FRMD4B: variants seen among roughly 807,000 people sequenced by gnomAD.
FRMD4B encodes the protein FERM domain-containing protein 4B.
FRMD4B carries 74 observed loss-of-function variants against 141.5 expected under a neutral mutation model. The observed-to-expected ratio is 0.52, with a 90% confidence interval of 0.43 to 0.63. FRMD4B has a LOEUF of 0.63. Ranked by LOEUF, FRMD4B falls within the 30% of genes least tolerant of loss-of-function variation. FRMD4B has a pLI of 0.00. For synonymous variants in FRMD4B, 506 were observed against 467.9 expected (o/e 1.08, Z -1.05); for missense variants, 1,366 against 1,253.4 (o/e 1.09, Z -1.36).
At chr3:69,420,965 G>C (rs1159168434) in intron 2 of FRMD4B, among the ~76,000 whole-genome samples, 3 of 152,194 alleles carry the variant, frequency 2.0e-5, no homozygotes, top group African/African-American at 4.8e-5. Flanking sequence ...AGTCAGGGAC[G>C]GAGAGGGCCA....
At chr3:69,501,786 T>C (rs1277727585) in intron 1 of FRMD4B, among the ~76,000 whole-genome samples, 2 of 152,200 alleles carry the variant, frequency 1.3e-5, no homozygotes, top group Non-Finnish European at 2.9e-5. Flanking sequence ...AAAACCCCAC[T>C]GTCTCAGCCC....
chr3:69,344,427 T>C (rs527543785), intron 1 of FRMD4B, among the ~76,000 whole-genome samples: 1 of 152,292 alleles, frequency 6.6e-6, no homozygotes, highest in South Asian at 2.1e-4. Context: ...AGAGCTGTAA[T>C]ATATTTGGGT....
chr3:69,303,225 G>A (rs954856544), intron 3 of FRMD4B, among the ~76,000 whole-genome samples: 1 of 74,000 alleles, frequency 1.4e-5, no homozygotes, highest in African/African-American at 3.2e-5. Flanking sequence ...AACTGACGCA[G>A]GATGATCGCT....
intron 1 of FRMD4B, chr3:69,471,627 C>A (rs542216253): frequency 1.8e-4 from 32 of 179,932 alleles, no homozygotes; most frequent in African/African-American, 7.3e-4. Context: ...TTTTTCCCCC[C>A]CAAAATACAT....
intron 3 of FRMD4B, chr3:69,310,466 G>T (rs940064509): frequency 4.4e-6 from 2 of 456,300 alleles, no homozygotes; most frequent in Admixed American, 2.4e-5. Context: ...GCAGAAAGTG[G>T]AAGGATTCCT....
At chr3:69,500,605 G>T (rs1369798627) in intron 1 of FRMD4B, among the ~76,000 whole-genome samples, 1 of 152,098 alleles carries the variant, frequency 6.6e-6, no homozygotes, top group Non-Finnish European at 1.5e-5. Context: ...GGGCAAGCAG[G>T]TACTACCCCT....
At chr3:69,538,825 A>C (rs933070464) in intron 1 of FRMD4B, among the ~76,000 whole-genome samples, 4 of 152,172 alleles carry the variant, frequency 2.6e-5, no homozygotes, top group African/African-American at 9.7e-5. Context: ...GCAGAAGAGG[A>C]GAAAAAAAAA....
chr3:69,302,507 AAG>A, intron 3 of FRMD4B, 72 bp from the exon 4 acceptor site: 2 of 909,004 alleles, frequency 2.2e-6, no homozygotes, highest in Non-Finnish European at 3.6e-6. Flanking sequence ...AGTGTTGGCA[AAG>A]CTGTGGCGAA....
At chr3:69,225,851 G>T (rs1192246476) in intron 7 of FRMD4B, among the ~76,000 whole-genome samples, 1 of 151,986 alleles carries the variant, frequency 6.6e-6, no homozygotes, top group Admixed American at 6.6e-5. Flanking sequence ...CTATTAGAGG[G>T]TAGCTACTCA....
At chr3:69,372,640 G>A (rs1396109226) in intron 1 of FRMD4B, among the ~76,000 whole-genome samples, 1 of 152,154 alleles carries the variant, frequency 6.6e-6, no homozygotes, top group Non-Finnish European at 1.5e-5. Context: ...TCTCCAGCCT[G>A]GGTAACAGAG....
chr3:69,222,467 CAAAAAAAAA>C (rs11293743), intron 8 of FRMD4B, among the ~76,000 whole-genome samples: 1 of 95,024 alleles, frequency 1.1e-5, no homozygotes, highest in East Asian at 3.4e-4. Flanking sequence ...AAATCCATCT[CAAAAAAAAA>C]AAAAAAAAAA....
chr3:69,263,617 G>A (rs1265889396), intron 5 of FRMD4B, among the ~76,000 whole-genome samples: 2 of 151,570 alleles, frequency 1.3e-5, no homozygotes, highest in Admixed American at 1.3e-4. Flanking sequence ...TTGCTATGTT[G>A]CCCAGGCTGG....
chr3:69,251,138 G>A (rs1308237317), intron 5 of FRMD4B, among the ~76,000 whole-genome samples: 2 of 152,128 alleles, frequency 1.3e-5, no homozygotes, highest in East Asian at 3.8e-4. Flanking sequence ...TAGCTTGTAA[G>A]TTTTAACAAA....
At chr3:69,451,316 C>A (rs2106888875) in intron 1 of FRMD4B, among the ~76,000 whole-genome samples, 1 of 152,276 alleles carries the variant, frequency 6.6e-6, no homozygotes, top group South Asian at 2.1e-4. Context: ...TTGTGAGACT[C>A]CAGAAAGAAC....
intron 7 of FRMD4B, among the ~76,000 whole-genome samples, chr3:69,243,296 A>C (rs2093400672): frequency 1.3e-5 from 2 of 151,402 alleles, no homozygotes; most frequent in African/African-American, 4.9e-5. Flanking sequence ...GCAGGAAACA[A>C]AATAAAAAGG....
At chr3:69,269,345 T>TG (rs11428835) in intron 5 of FRMD4B, among the ~76,000 whole-genome samples, 5,270 of 151,994 alleles carry the variant, frequency 0.035, 160 homozygotes, top group East Asian at 0.1. Context: ...TTTGGATATA[T>TG]ATTAATCCAT....
intron 2 of FRMD4B, among the ~76,000 whole-genome samples, chr3:69,422,749 A>C (rs1470506328): frequency 7.2e-5 from 11 of 152,158 alleles, no homozygotes; most frequent in Non-Finnish European, 1.5e-4. Flanking sequence ...TATAAGTTTC[A>C]TGTGTCAAAT....
chr3:69,189,947 T>C lies in FRMD4B; in HGVS notation c.1720A>G (p.Ile574Val), dbSNP rs778680129. The C allele has an allele frequency of 1.5e-5, 24 of 1,584,132 alleles. No homozygotes were observed. Among genetic ancestry groups the C allele is most frequent in the Non-Finnish European group, 2.1e-5 (24 of 1,153,260 alleles). The change falls in exon 18 of 23, where the codon ATA becomes GTA. Residue 574 changes from isoleucine (I) to valine (V), a missense_variant. Transcript: ENST00000398540. ...AAAGAGCTACTCTCTGAGGGGATTA[T>C]GTCTTCTGTGAATAAAAATAACTGC... Reference protein sequence around the residue: ...SQKATVLPEDIIPSESSSLSD... With the variant: ...SQKATVLPEDVIPSESSSLSD...
chr3:69,407,869 AT>A (rs892044748), intron 2 of FRMD4B, among the ~76,000 whole-genome samples: 2 of 151,896 alleles, frequency 1.3e-5, no homozygotes, highest in Non-Finnish European at 2.9e-5. Flanking sequence ...TAGGCATTTG[AT>A]TTTTTTTCCT....
Sources: allele counts gnomAD v4.1 joint callset (sites outside exome capture counted in the v4.1 genomes callset), GRCh38; gene constraint gnomAD v4.1.1; transcripts MANE v1.5; gene names NCBI Gene and HGNC (gene_info 2026-07-23, HGNC 2026-07-21).